The following TDRD9 variants were observed in gnomAD, a reference collection of about 807,000 sequenced individuals.
TDRD9 encodes the protein tudor domain containing 9.
TDRD9 carries 124 observed loss-of-function variants against 172.6 expected under a neutral mutation model. The ratio of observed to expected loss-of-function variants is 0.72; its 90% confidence interval spans 0.62 to 0.83. The LOEUF is 0.83. TDRD9 is among the 40% of genes least tolerant of loss of function. The pLI, the probability that TDRD9 is intolerant of heterozygous loss-of-function variation, is 0.00. For missense variants in TDRD9, 1,479 were observed against 1,714.1 expected, an observed-to-expected ratio of 0.86 and a Z score of 2.42; for synonymous variants, 619 against 617.1, an observed-to-expected ratio of 1.00 and a Z score of -0.05.
In TDRD9 at chr14:103,986,296, A is replaced by T. The variant is rs781249979; in HGVS notation, c.1091A>T (p.Asp364Val). The T allele has an allele frequency of 3.1e-6, 5 of 1,612,992 alleles. No homozygotes were observed. The highest frequency in any genetic ancestry group is 4.2e-6 in the Non-Finnish European group (5 of 1,179,190). The change falls in exon 8 of 36, where the codon GAT becomes GTT. Residue 364 changes from aspartate (D) to valine (V), a missense_variant. By Grantham distance (152) the Asp-to-Val change is radical. This residue lies in a region of TDRD9 where 1,413 missense variants were observed against 1,649.1 expected (regional missense o/e 0.86). Transcript: ENST00000409874. ...EVAVSLIQMF[D>V]DLDMKESGNK... ...GCTGTCTCTCTCATTCAGATGTTTG[A>T]TGACTTGGATATGAAGGAGAGTGGG...
At chr14:103,976,334 C>T (rs111600198) in intron 7 of TDRD9, among the ~76,000 whole-genome samples, 8 of 150,782 alleles carry the variant, frequency 5.3e-5, no homozygotes, top group Admixed American at 3.3e-4. Flanking sequence ...AGTGCAGTGG[C>T]GCGATCTCAG....
At chr14:103,932,791 C>T (rs2030485809) in intron 1 of TDRD9, among the ~76,000 whole-genome samples, 1 of 151,948 alleles carries the variant, frequency 6.6e-6, no homozygotes, top group Non-Finnish European at 1.5e-5. Flanking sequence ...CACTGCAGTC[C>T]GGTCTGAGAG....
chr14:103,970,904 T>A (rs949696051), intron 6 of TDRD9, among the ~76,000 whole-genome samples: 7 of 152,218 alleles, frequency 4.6e-5, no homozygotes, highest in African/African-American at 1.7e-4. Context: ...TTTTTTAAAT[T>A]TGTATTTTTA....
At chr14:103,946,102 A>G (rs2031544562) in intron 1 of TDRD9, among the ~76,000 whole-genome samples, 1 of 151,942 alleles carries the variant, frequency 6.6e-6, no homozygotes, top group South Asian at 2.1e-4. Context: ...AGTAGCTGGG[A>G]CTATAGGCAC....
intron 5 of TDRD9, among the ~76,000 whole-genome samples, chr14:103,968,243 C>G (rs1026455736): frequency 1.3e-5 from 2 of 152,222 alleles, no homozygotes; most frequent in South Asian, 2.1e-4. Context: ...AGAAGACCAT[C>G]GCGCCATCAC....
rs996051022 is a variant in TDRD9 at position 103,956,436 on chromosome 14, C to G, written c.322+666C>G. Among the ~76,000 whole-genome samples, 4 of 150,168 alleles carry G rather than the reference C, an allele frequency of 2.7e-5. No homozygotes were observed. In the South Asian group the frequency reaches 6.3e-4, roughly 24 times the overall value. ...CTGGCAACAGAGTGAGACTCCGTCT[C>G]AAAAAAAAGAAAAAATTATTAGAAG... On this transcript the variant is annotated intron_variant, in intron 2 of 35. Coordinates refer to ENST00000409874, the MANE Select transcript of TDRD9 (RefSeq NM_153046.3).
chr14:103,975,602 G>A, intron 7 of TDRD9, 49 bp downstream of exon 7: 1 of 1,515,284 alleles, frequency 6.6e-7, no homozygotes, highest in Non-Finnish European at 8.9e-7. Flanking sequence ...CTCTTGTATT[G>A]GATCAAACCT....
Position 104,031,195 on chromosome 14 carries a change from G to T in TDRD9, c.3370G>T (p.Glu1124Ter). The T allele has an allele frequency of 6.4e-7, 1 of 1,551,762 alleles. No individual in the cohort carries two copies. Among genetic ancestry groups the T allele is most frequent in the African/African-American group, 1.4e-5 (1 of 73,160 alleles). ...GSVPFPMKDDEKYLIRILLES... is the reference protein window; with the variant it reads ...GSVPFPMKDD ...TGTGCCCTTTCCCATGAAAGACGAC[G>T]AGAAATATCTCATCCGGATTTTGTT... The change falls in exon 29 of 36, where the codon GAG becomes TAG. Residue 1124 changes from glutamate to a stop codon, truncating the protein, a stop_gained. Transcript: ENST00000409874. LOFTEE classifies it high-confidence loss of function.
At chr14:103,951,911 C>T (rs1344145534) in intron 1 of TDRD9, among the ~76,000 whole-genome samples, 1 of 151,306 alleles carries the variant, frequency 6.6e-6, no homozygotes, top group Admixed American at 6.6e-5. Context: ...GGACCACAGG[C>T]GCCCGCCACC....
Position 104,049,680 on chromosome 14 carries a change from G to A in TDRD9, c.4047G>A (p.Gln1349=), listed in dbSNP as rs746741922. ...ATGAAAAGCCCTACGAGTGGAATCA[G>A]GTGAGTGGGACGCAGGCTGCTACAT... ...KWHEKPYEWN[Q]VDPKLVMEQA... is the part of the protein sequence containing the mutation. Residue 1349 remains glutamine, a splice_region_variant and synonymous_variant, in exon 35 of 36, where the codon CAG becomes CAA. Coordinates refer to ENST00000409874, the MANE Select transcript of TDRD9 (RefSeq NM_153046.3). 21 of 1,580,140 alleles carry A rather than the reference G, an allele frequency of 1.3e-5. No homozygotes were observed. Among genetic ancestry groups the A allele is most frequent in the Non-Finnish European group, 1.8e-5 (21 of 1,163,242 alleles).
chr14:103,998,182 G>GT (rs2034124742), intron 12 of TDRD9, among the ~76,000 whole-genome samples: 1 of 10,710 alleles, frequency 9.3e-5, no homozygotes. Flanking sequence ...CCACCCACGC[G>GT]TACAGATGCA....
At chr14:104,044,867 A>G (rs1342314657) in intron 34 of TDRD9, among the ~76,000 whole-genome samples, 1 of 152,166 alleles carries the variant, frequency 6.6e-6, no homozygotes, top group Non-Finnish European at 1.5e-5. Context: ...CCAGGGCCAG[A>G]CGTATTGGCT....
At chr14:103,953,414 T>A (rs2032043690) in intron 1 of TDRD9, among the ~76,000 whole-genome samples, 1 of 151,674 alleles carries the variant, frequency 6.6e-6, no homozygotes, top group Admixed American at 6.6e-5. Flanking sequence ...TTGGAACAGG[T>A]AAAAGTTGGC....
intron 10 of TDRD9, 36 bp from the exon 11 acceptor site, chr14:103,994,483 A>G: frequency 6.2e-7 from 1 of 1,608,128 alleles, no homozygotes; most frequent in African/African-American, 1.3e-5. Context: ...ATGTATATCT[A>G]TTCTTTATGG....
intron 13 of TDRD9, among the ~76,000 whole-genome samples, chr14:103,999,643 A>ACATTTAATCTTTTGATCTTCCT (rs1566771643): frequency 1.5e-5 from 2 of 130,468 alleles, no homozygotes; most frequent in African/African-American, 3.0e-5. Flanking sequence ...TGTTTTTTAG[A>ACATTTAATCTTTTGATCTTCCT]AAACCTTTTG....
intron 20 of TDRD9, among the ~76,000 whole-genome samples, chr14:104,009,988 C>G (rs1247421728): frequency 6.6e-6 from 1 of 151,340 alleles, no homozygotes; most frequent in African/African-American, 2.4e-5. Flanking sequence ...CCCTGTCACC[C>G]AGGGTGGAGT....
rs1595967478 is a variant in TDRD9, at chr14:103,999,637, TTTTAGAAAACC to T, written c.1483+913_1483+923del. Among the ~76,000 whole-genome samples, 274 of 128,494 alleles carry T rather than the reference TTTTAGAAAACC, an allele frequency of 2.1e-3. 17 individuals are homozygous for T. The highest frequency in any genetic ancestry group is 8.1e-3 in the Middle Eastern group (2 of 246). 84.3% of individuals were successfully genotyped at this position (128,494 alleles called of 152,430 possible). On this transcript the variant is annotated intron_variant, in intron 13 of 35. Transcript: ENST00000409874. Reference sequence around the variant, plus strand: ...GAAGTGGCTTTTTTTTTTGTTTGTTTTTTAGAAAACCTTTTGGGAAGGGTAGATAAAAGACC... The same window carrying T: ...GAAGTGGCTTTTTTTTTTGTTTGTTTTTTTGGGAAGGGTAGATAAAAGACC...
At chr14:103,974,079 G>A (rs1053047843) in intron 6 of TDRD9, among the ~76,000 whole-genome samples, 3 of 152,172 alleles carry the variant, frequency 2.0e-5, no homozygotes, top group South Asian at 2.1e-4. Flanking sequence ...GTGCACACAT[G>A]TAGTCCTACC....
intron 6 of TDRD9, among the ~76,000 whole-genome samples, chr14:103,971,695 A>G (rs1285884063): frequency 2.0e-5 from 3 of 152,234 alleles, no homozygotes; most frequent in Non-Finnish European, 2.9e-5. Flanking sequence ...CAGGAAGCCA[A>G]CTAAGGGGCA....
Sources: allele counts gnomAD v4.1 joint callset (sites outside exome capture counted in the v4.1 genomes callset), GRCh38; gene constraint gnomAD v4.1.1; regional missense constraint gnomAD v4.1.1; transcripts MANE v1.5; gene names NCBI Gene and HGNC (gene_info 2026-07-23, HGNC 2026-07-21).